The following RGL1 variants were observed in gnomAD, a reference collection of about 807,000 sequenced individuals.
The protein encoded by RGL1 is ral guanine nucleotide dissociation stimulator-like 1.
Under a neutral mutation model 95.2 loss-of-function variants are expected in RGL1, and 24 were observed. That is an observed-to-expected ratio of 0.25 (90% confidence interval 0.18 to 0.35). The LOEUF (loss-of-function observed/expected upper bound fraction) is 0.35, where lower values mean the gene tolerates loss of function less well. Ranked by LOEUF, RGL1 falls within the 10% of genes least tolerant of loss-of-function variation. The pLI is 1.00. For synonymous variants in RGL1, 329 were observed against 344.9 expected (o/e 0.95, Z 0.51); for missense variants, 715 against 936.3 (o/e 0.76, Z 3.08).
At chr1:183,670,537 A>G (rs1652370844) in intron 1 of RGL1, among the ~76,000 whole-genome samples, 1 of 152,212 alleles carries the variant, frequency 6.6e-6, no homozygotes, top group South Asian at 2.1e-4. Context: ...CTGAGCCTCT[A>G]GCAATCCATT....
intron 2 of RGL1, among the ~76,000 whole-genome samples, chr1:183,749,656 C>T (rs971430998): frequency 3.9e-5 from 6 of 152,104 alleles, no homozygotes; most frequent in African/African-American, 9.7e-5. Context: ...TCCATAGTGT[C>T]GTTGGTCTTT....
At chr1:183,742,734 A>AAG (rs773534559) in intron 2 of RGL1, among the ~76,000 whole-genome samples, 1 of 151,782 alleles carries the variant, frequency 6.6e-6, no homozygotes, top group Non-Finnish European at 1.5e-5. Context: ...GAGAGAGAGA[A>AAG]AGAGAGAGAG....
intron 1 of RGL1, among the ~76,000 whole-genome samples, chr1:183,680,393 T>C (rs1257397949): frequency 1.3e-5 from 2 of 152,198 alleles, no homozygotes; most frequent in Non-Finnish European, 2.9e-5. Flanking sequence ...AATTTTTGTA[T>C]AAGGTGTAAG....
At chr1:183,795,942 A>G (rs1357123648) in intron 2 of RGL1, among the ~76,000 whole-genome samples, 1 of 152,126 alleles carries the variant, frequency 6.6e-6, no homozygotes, top group East Asian at 1.9e-4. Context: ...AATTTTTAAC[A>G]TAGTCTCCTA....
At chr1:183,812,122 T>C (rs1661763419) in intron 2 of RGL1, among the ~76,000 whole-genome samples, 1 of 152,268 alleles carries the variant, frequency 6.6e-6, no homozygotes, top group Non-Finnish European at 1.5e-5. Context: ...TTACGTATTT[T>C]ATGTTAAGAT....
intron 3 of RGL1, among the ~76,000 whole-genome samples, chr1:183,851,415 C>G (rs190716729): frequency 6.6e-6 from 1 of 152,302 alleles, no homozygotes; most frequent in Non-Finnish European, 1.5e-5. Context: ...TCCAGGGGCG[C>G]TCACTTGGAA....
intron 12 of RGL1, among the ~76,000 whole-genome samples, chr1:183,903,568 T>G (rs948894313): frequency 6.6e-6 from 1 of 151,426 alleles, no homozygotes; most frequent in Non-Finnish European, 1.5e-5. Context: ...ATGGGGGGGG[T>G]TTGGGAATTA....
intron 1 of RGL1, among the ~76,000 whole-genome samples, chr1:183,739,063 A>G (rs1471427868): frequency 6.6e-6 from 1 of 152,242 alleles, no homozygotes; most frequent in Admixed American, 6.5e-5. Flanking sequence ...TAAGGTAGCA[A>G]CAGCAAAGCA....
intron 2 of RGL1, among the ~76,000 whole-genome samples, chr1:183,756,460 TCTTA>T (rs1005372785): frequency 3.3e-5 from 5 of 152,224 alleles, no homozygotes; most frequent in Admixed American, 6.5e-5. Context: ...TCTTCACGTC[TCTTA>T]CTTAGAAACT....
At chr1:183,911,441 C>CTG (rs1240806532) in intron 14 of RGL1, among the ~76,000 whole-genome samples, 1 of 152,146 alleles carries the variant, frequency 6.6e-6, no homozygotes, top group Non-Finnish European at 1.5e-5. Flanking sequence ...TCTTTGGGCC[C>CTG]TGGGTGTGCA....
rs748902878 is a variant in RGL1 at position 183,724,483 on chromosome 1, C to T, written c.-32-17643C>T. 6.6e-6 allele frequency among the ~76,000 whole-genome samples: 1 copy of T among 152,116 alleles called. No individual in the cohort carries two copies. Among genetic ancestry groups the T allele is most frequent in the East Asian group, 1.9e-4 (1 of 5,184 alleles). On this transcript the variant is annotated intron_variant, in intron 1 of 18. Coordinates refer to the RGL1 transcript ENST00000304685. This position sits in a 1 kb window ranked among gnomAD's most constrained non-coding sequence, Gnocchi z 4.1. ...CCTGGCAACATTCACCACAAGCTGACTGGAGATCCCTTGGGCCTTAAGTGA... is the reference window on the plus strand; with the variant it reads ...CCTGGCAACATTCACCACAAGCTGATTGGAGATCCCTTGGGCCTTAAGTGA...
chr1:183,917,466 T>C (rs1271690170), intron 16 of RGL1, among the ~76,000 whole-genome samples: 1 of 152,186 alleles, frequency 6.6e-6, no homozygotes, highest in Non-Finnish European at 1.5e-5. Flanking sequence ...TGCAGCAAAA[T>C]CCCACAGCTA....
chr1:183,884,010 G>A, intron 6 of RGL1, 100 bp downstream of exon 6: 1 of 1,292,732 alleles, frequency 7.7e-7, no homozygotes, highest in Non-Finnish European at 1.1e-6. Context: ...GTGATTTTAA[G>A]TCTTCTTGAA....
chr1:183,921,807 A>G (rs1013640425), intron 16 of RGL1, among the ~76,000 whole-genome samples: 2 of 152,166 alleles, frequency 1.3e-5, no homozygotes, highest in African/African-American at 4.8e-5. Context: ...CAGAACTGCG[A>G]CCATTTTTAT....
At chr1:183,731,523 C>T (rs1014517229) in intron 1 of RGL1, among the ~76,000 whole-genome samples, 3 of 152,158 alleles carry the variant, frequency 2.0e-5, no homozygotes, top group Admixed American at 1.3e-4. Context: ...CCCTCTTGGC[C>T]TTTCCCCTGC....
At chr1:183,775,336 T>C (rs1054211667) in intron 2 of RGL1, among the ~76,000 whole-genome samples, 5 of 152,260 alleles carry the variant, frequency 3.3e-5, no homozygotes, top group African/African-American at 4.8e-5. Flanking sequence ...TAACTTCTTA[T>C]TTTTTCAGCT....
chr1:183,915,780 G>A (rs923503593), intron 15 of RGL1, among the ~76,000 whole-genome samples: 6 of 152,210 alleles, frequency 3.9e-5, no homozygotes, highest in Non-Finnish European at 8.8e-5. Context: ...ATCAGCCACA[G>A]GCTGAGCCTT....
chr1:183,766,005 A>C (rs1403920289), intron 2 of RGL1, among the ~76,000 whole-genome samples: 1 of 152,184 alleles, frequency 6.6e-6, no homozygotes, highest in Admixed American at 6.5e-5. Context: ...TGGGTGCAGC[A>C]CACCAACATG....
At chr1:183,727,149 C>T (rs914051537) in intron 1 of RGL1, among the ~76,000 whole-genome samples, 10 of 152,056 alleles carry the variant, frequency 6.6e-5, no homozygotes, top group Admixed American at 2.6e-4. Context: ...ATATAAAAAA[C>T]GTAATACATG....
Sources: gnomAD v4.1 joint callset for allele counts (sites outside exome capture counted in the v4.1 genomes callset) on GRCh38, gnomAD v4.1.1 for gene constraint, Gnocchi (gnomAD v3.1) non-coding constraint, MANE v1.5 for transcripts, NCBI Gene and HGNC (gene_info 2026-07-23, HGNC 2026-07-21) for gene names.